FNDC1: variants seen among roughly 807,000 people sequenced by gnomAD.
The protein encoded by FNDC1 is fibronectin type III domain containing 1, also known as fibronectin type III domain-containing protein 1.
A neutral mutation model predicts 168.0 loss-of-function variants in FNDC1; 96 were observed. The observed-to-expected ratio is 0.57, with a 90% CI of 0.48 to 0.68. FNDC1 has a LOEUF of 0.68. Ranked by LOEUF, FNDC1 falls within the 30% of genes least tolerant of loss-of-function variation. The pLI is 0.00. For synonymous variants in FNDC1, 1,099 were observed against 1,025.9 expected, an observed-to-expected ratio of 1.07 and a Z score of -1.36; for missense variants, 2,587 against 2,482.1, an observed-to-expected ratio of 1.04 and a Z score of -0.90.
At chr6:159,248,815 T>C (rs1193203406) in intron 15 of FNDC1, among the ~76,000 whole-genome samples, 1 of 152,224 alleles carries the variant, frequency 6.6e-6, no homozygotes, top group Non-Finnish European at 1.5e-5. Context: ...TTCTTTCTTC[T>C]GTCTGCAGCT....
intron 18 of FNDC1, 146 bp from the exon 19 acceptor site, chr6:159,261,044 T>C: frequency 1.7e-6 from 1 of 600,468 alleles, no homozygotes; most frequent in Non-Finnish European, 2.9e-6. Flanking sequence ...GAAAAAGACA[T>C]GAAGAATCAC....
chr6:159,241,986 T>C (rs927027518), intron 14 of FNDC1, among the ~76,000 whole-genome samples: 2 of 152,206 alleles, frequency 1.3e-5, no homozygotes, highest in Non-Finnish European at 2.9e-5. Context: ...GTGGTATTTT[T>C]TTGTGATAAG....
At chr6:159,182,023 T>A (rs756660170) in intron 1 of FNDC1, among the ~76,000 whole-genome samples, 2 of 152,198 alleles carry the variant, frequency 1.3e-5, no homozygotes, top group African/African-American at 4.8e-5. Flanking sequence ...AATTGAAGCA[T>A]CTTGTTTTGG....
intron 1 of FNDC1, among the ~76,000 whole-genome samples, chr6:159,171,751 T>A (rs75509634): frequency 0.013 from 1,962 of 152,372 alleles, 40 homozygotes; most frequent in African/African-American, 0.044. Context: ...CAGTCTGGTA[T>A]GATACATTTT....
intron 5 of FNDC1, among the ~76,000 whole-genome samples, chr6:159,220,404 A>C (rs1782797623): frequency 6.6e-6 from 1 of 152,168 alleles, no homozygotes; most frequent in Non-Finnish European, 1.5e-5. Flanking sequence ...TATTATAACT[A>C]TTGGCACTAG....
At chr6:159,213,421 T>C (rs1650968433) in intron 4 of FNDC1, among the ~76,000 whole-genome samples, 1 of 152,154 alleles carries the variant, frequency 6.6e-6, no homozygotes, top group African/African-American at 2.4e-5. Context: ...TTATTGCAGC[T>C]TATTACGGTT....
At position 159,169,606 on chromosome 6, in the gene FNDC1, G is replaced by T; in HGVS notation, c.10G>T (p.Glu4Ter). The part of the protein sequence containing the change: MAP[E>*]AGATLRAPRR... ...CCACCCCGGGCTCTCGATGGCCCCC[G>T]AGGCCGGGGCGACCCTGCGCGCGCC... is the stretch of plus-strand genomic sequence containing the variant. Residue 4 changes from glutamate (E) to a stop codon, truncating the protein, a stop_gained, in exon 1 of 23, where the codon GAG becomes TAG. Coordinates refer to ENST00000297267, the MANE Select transcript of FNDC1 (RefSeq NM_032532.3). LOFTEE classifies it high-confidence loss of function. This position sits in a 1 kb window ranked among gnomAD's most constrained non-coding sequence, Gnocchi z 6.8. 8.9e-7 allele frequency: 1 copy of T among 1,120,838 alleles called. No homozygotes were observed. The highest frequency in any genetic ancestry group is 4.1e-5 in the South Asian group (1 of 24,636). 69.4% of individuals were successfully genotyped at this position (1,120,838 alleles called of 1,614,324 possible).
Position 159,271,496 on chromosome 6 carries a change from G to T in FNDC1, c.*54G>T. ...CCTGCCCAGCCCCACCAACTAAGTC[G>T]CACTAGGGGCTGTGAGCAAAGACAG... On this transcript the variant is annotated 3_prime_UTR_variant, in exon 23 of 23. Transcript: ENST00000297267. 1.5e-6 allele frequency: 2 copies of T among 1,360,854 alleles called. No homozygotes were observed. The highest frequency in any genetic ancestry group is 1.9e-5 in the Admixed American group (1 of 51,784). 84.3% of individuals were successfully genotyped at this position (1,360,854 alleles called of 1,614,324 possible).
rs1288247333 is a variant in FNDC1, at chr6:159,169,770, C to T, written c.109+65C>T. The stretch of plus-strand genomic sequence containing the variant: ...CCGCGCACCCTCCTGCGCTCGGGCC[C>T]CGTCGTCCCGCTCAGTGCTGGCTAC... On this transcript the variant is annotated intron_variant, in intron 1 of 22. Coordinates refer to ENST00000297267, the MANE Select transcript of FNDC1 (RefSeq NM_032532.3). The surrounding 1 kb of genome is among the most constrained non-coding windows in gnomAD (Gnocchi z 6.8). The T allele has an allele frequency of 2.3e-5, 14 of 609,678 alleles. No individual in the cohort carries two copies. In the East Asian group the frequency reaches 5.4e-4, roughly 24 times the overall value. 37.8% of individuals were successfully genotyped at this position (609,678 alleles called of 1,614,324 possible).
At chr6:159,258,808 T>C (rs951653661) in intron 18 of FNDC1, among the ~76,000 whole-genome samples, 13 of 152,220 alleles carry the variant, frequency 8.5e-5, no homozygotes, top group South Asian at 2.1e-4. Flanking sequence ...CCTGTGTCAC[T>C]AGAATGCAGA....
intron 17 of FNDC1, among the ~76,000 whole-genome samples, chr6:159,255,037 A>T (rs145955732): frequency 1.9e-4 from 29 of 151,882 alleles, no homozygotes; most frequent in African/African-American, 5.8e-4. Context: ...CCACATCTCC[A>T]CTCCCACACC....
rs1777753501 is a variant in FNDC1 at position 159,271,788 on chromosome 6, G to A, written c.*346G>A. On this transcript the variant is annotated 3_prime_UTR_variant, in exon 23 of 23. Transcript: ENST00000297267. ...GGACACTTCAGTATTTCCAGGAATA[G>A]CATATGCACGCTGTTCTTGCTTCAT... The A allele has an allele frequency of 4.9e-6, 1 of 202,490 alleles. No homozygotes were observed. Among genetic ancestry groups the A allele is most frequent in the Admixed American group, 5.4e-5 (1 of 18,356 alleles). 12.5% of individuals were successfully genotyped at this position (202,490 alleles called of 1,614,324 possible).
rs530709894 is a variant in FNDC1 at position 159,219,327 on chromosome 6, C to T, written c.668-2271C>T. On this transcript the variant is annotated intron_variant, in intron 5 of 22. Coordinates refer to ENST00000297267, the MANE Select transcript of FNDC1 (RefSeq NM_032532.3). Reference sequence around the variant, plus strand: ...AAATGCTGGGGATTGCAGGCGTGAGCCACCTCACCCGGCCATTTCCCCTCT... The same window carrying T: ...AAATGCTGGGGATTGCAGGCGTGAGTCACCTCACCCGGCCATTTCCCCTCT... Among the ~76,000 whole-genome samples the T allele has an allele frequency of 6.6e-5, 10 of 152,352 alleles. No homozygotes were observed. The East Asian group carries it at 1.9e-3, about 29-fold the overall frequency.
rs182982525 is a variant in FNDC1, at chr6:159,252,027, G to T, written c.5065+495G>T. On this transcript the variant is annotated intron_variant, in intron 17 of 22. Coordinates refer to ENST00000297267, the MANE Select transcript of FNDC1 (RefSeq NM_032532.3). ...TTCTCTCCTTTCACGTCTGTTGGGT[G>T]CTTCCAGACAAATCTGGGTGCTTCT... is the stretch of plus-strand genomic sequence containing the variant. Among the ~76,000 whole-genome samples the T allele has an allele frequency of 3.2e-4, 48 of 152,270 alleles. No individual in the cohort carries two copies. The East Asian group carries it at 9.3e-3, about 29-fold the overall frequency.
intron 1 of FNDC1, among the ~76,000 whole-genome samples, chr6:159,190,162 G>A (rs1226889570): frequency 1.3e-5 from 2 of 152,200 alleles, no homozygotes; most frequent in Non-Finnish European, 2.9e-5. Context: ...CGCCCTGAGG[G>A]GCAGCCACAG....
intron 21 of FNDC1, 100 bp from the exon 22 acceptor site, chr6:159,267,704 T>A: frequency 8.1e-7 from 1 of 1,239,978 alleles, no homozygotes; most frequent in Admixed American, 2.2e-5. Context: ...TTAAGTAATA[T>A]GCTGAATTCA....
chr6:159,203,286 A>G (rs1583867952), intron 4 of FNDC1, among the ~76,000 whole-genome samples: 1 of 152,198 alleles, frequency 6.6e-6, no homozygotes, highest in Non-Finnish European at 1.5e-5. Flanking sequence ...AATAAGCAGT[A>G]CTGTAATATA....
At chr6:159,259,632 A>G (rs549536646) in intron 18 of FNDC1, among the ~76,000 whole-genome samples, 1 of 152,292 alleles carries the variant, frequency 6.6e-6, no homozygotes, top group East Asian at 1.9e-4. Context: ...CCAGGACTGG[A>G]AATGTATGCC....
At position 159,232,940 on chromosome 6, in the gene FNDC1, G is replaced by T. The variant is rs1198371306; in HGVS notation, c.2428G>T (p.Ala810Ser). The T allele has an allele frequency of 2.5e-6, 4 of 1,609,934 alleles. No homozygotes were observed. The highest frequency in any genetic ancestry group is 3.4e-6 in the Non-Finnish European group (4 of 1,179,236). Residue 810 changes from alanine (A) to serine (S), a missense_variant, in exon 11 of 23, where the codon GCC becomes TCC. Ala to Ser is a moderately conservative substitution (Grantham distance 99). Transcript: ENST00000297267. The surrounding 1 kb of genome is among the most constrained non-coding windows in gnomAD (Gnocchi z 4.9). ...QAEATAQTLRARPASGHFHLL... is the reference protein window; with the variant it reads ...QAEATAQTLRSRPASGHFHLL... ...GGAGGCCACGGCCCAGACGCTGCGG[G>T]CCCGGCCTGCCTCTGGACACTTCCA...
Sources: allele counts gnomAD v4.1 joint callset (sites outside exome capture counted in the v4.1 genomes callset), GRCh38; gene constraint gnomAD v4.1.1; non-coding constraint Gnocchi (gnomAD v3.1); transcripts MANE v1.5; gene names NCBI Gene and HGNC (gene_info 2026-07-23, HGNC 2026-07-21).